The following DCC variants were observed in gnomAD, a reference collection of about 807,000 sequenced individuals.
DCC encodes the protein netrin receptor DCC.
Under a neutral mutation model 172.5 loss-of-function variants are expected in DCC, and 58 were observed. The ratio of observed to expected loss-of-function variants is 0.34; its 90% CI spans 0.27 to 0.42. The LOEUF is 0.42. DCC is among the 10% of genes least tolerant of loss of function. DCC has a pLI of 1.00. For missense variants in DCC, 1,740 were observed against 1,791.0 expected, an observed-to-expected ratio of 0.97 and a Z score of 0.51; for synonymous variants, 709 against 644.5, an observed-to-expected ratio of 1.10 and a Z score of -1.52.
chr18:52,661,960 TAGAA>T (rs2035368627), intron 1 of DCC, among the ~76,000 whole-genome samples: 1 of 152,260 alleles, frequency 6.6e-6, no homozygotes. Context: ...GGTTTCCTGA[TAGAA>T]GGAATAAAAA....
intron 1 of DCC, among the ~76,000 whole-genome samples, chr18:52,652,388 C>A (rs1445033416): frequency 6.6e-6 from 1 of 152,172 alleles, no homozygotes; most frequent in East Asian, 1.9e-4. Flanking sequence ...TGATCCTTTT[C>A]TTGCAAGAAC....
At chr18:52,447,092 C>G (rs1441979236) in intron 1 of DCC, among the ~76,000 whole-genome samples, 1 of 152,134 alleles carries the variant, frequency 6.6e-6, no homozygotes, top group Non-Finnish European at 1.5e-5. Context: ...GACTTTAGTC[C>G]TCTTGTGAAA....
intron 5 of DCC, among the ~76,000 whole-genome samples, chr18:52,978,110 A>G (rs1179709511): frequency 1.3e-5 from 2 of 152,056 alleles, no homozygotes; most frequent in Admixed American, 1.3e-4. Context: ...AGGCGCTTGT[A>G]TATCACTCTA....
At chr18:52,507,566 T>A (rs1004088486) in intron 1 of DCC, among the ~76,000 whole-genome samples, 1 of 152,156 alleles carries the variant, frequency 6.6e-6, no homozygotes, top group African/African-American at 2.4e-5. Flanking sequence ...TGCCAAACTG[T>A]ACATTTACAT....
intron 3 of DCC, among the ~76,000 whole-genome samples, chr18:52,913,243 C>CT (rs1203947405): frequency 6.6e-6 from 1 of 152,076 alleles, no homozygotes; most frequent in East Asian, 1.9e-4. Flanking sequence ...TCACATGGAG[C>CT]TGATGACATT....
At chr18:53,243,703 C>T (rs2056332771) in intron 12 of DCC, among the ~76,000 whole-genome samples, 1 of 152,126 alleles carries the variant, frequency 6.6e-6, no homozygotes, top group Non-Finnish European at 1.5e-5. Context: ...CAGGCTCTAC[C>T]TCTGAGATTA....
At chr18:52,840,964 GAA>G (rs5741773) in intron 2 of DCC, among the ~76,000 whole-genome samples, 66,315 of 151,100 alleles carry the variant, frequency 0.44, 14,704 homozygotes, top group South Asian at 0.55. Flanking sequence ...ATGCTATGAT[GAA>G]AAAAAAAAGC....
intron 12 of DCC, among the ~76,000 whole-genome samples, chr18:53,264,217 G>A (rs531713416): frequency 3.6e-4 from 55 of 152,134 alleles, no homozygotes; most frequent in African/African-American, 1.3e-3. Flanking sequence ...GGCTAGGCGC[G>A]GTGGCTCATG....
intron 27 of DCC, among the ~76,000 whole-genome samples, chr18:53,521,533 A>G (rs1362553614): frequency 2.0e-5 from 3 of 152,144 alleles, no homozygotes; most frequent in Non-Finnish European, 2.9e-5. Flanking sequence ...AGTACATGTT[A>G]TGGAATTATA....
intron 5 of DCC, among the ~76,000 whole-genome samples, chr18:52,985,064 C>G: frequency 6.6e-6 from 1 of 151,768 alleles, no homozygotes; most frequent in Non-Finnish European, 1.5e-5. Context: ...ATCATTTTTT[C>G]CCTTGGAGCT....
intron 14 of DCC, among the ~76,000 whole-genome samples, chr18:53,328,621 A>T (rs1470921799): frequency 1.3e-5 from 2 of 148,426 alleles, no homozygotes; most frequent in Non-Finnish European, 3.0e-5. Context: ...TGCAACTTTC[A>T]CCTCTCGGGT....
Position 53,278,452 on chromosome 18 carries a change from A to T in DCC, c.1912-27126A>T, listed in dbSNP as rs1053464290. On this transcript the variant is annotated intron_variant, in intron 12 of 28. Transcript: ENST00000442544. Reference sequence around the variant, plus strand: ...ATTGTATGCATTATCAAGAATTATTATGAAGGGATCTGTTGTAATTAGTTG... The same window carrying T: ...ATTGTATGCATTATCAAGAATTATTTTGAAGGGATCTGTTGTAATTAGTTG... Among the ~76,000 whole-genome samples, 7 of 152,246 alleles carry T rather than the reference A, an allele frequency of 4.6e-5. No individual in the cohort carries two copies. The East Asian group carries it at 1.2e-3, about 25-fold the overall frequency.
chr18:53,459,488 A>G, intron 24 of DCC, 30 bp downstream of exon 24: 1 of 1,415,204 alleles, frequency 7.1e-7, no homozygotes, highest in Non-Finnish European at 1.0e-6. Context: ...CATTAGGGAA[A>G]ACATACCATT....
intron 7 of DCC, among the ~76,000 whole-genome samples, chr18:53,117,274 T>C (rs533776320): frequency 6.6e-6 from 1 of 151,900 alleles, no homozygotes; most frequent in East Asian, 1.9e-4. Context: ...TTGCTCCGTA[T>C]GAAATTTCCA....
chr18:52,939,980 G>A (rs942933293), intron 5 of DCC, among the ~76,000 whole-genome samples: 1 of 152,126 alleles, frequency 6.6e-6, no homozygotes. Context: ...CAGACCAGCA[G>A]CATTGACATC....
At chr18:52,899,407 G>C (rs1182618438) in intron 2 of DCC, among the ~76,000 whole-genome samples, 2 of 128,938 alleles carry the variant, frequency 1.6e-5, no homozygotes, top group South Asian at 5.2e-4. Flanking sequence ...AGGCTGGAGT[G>C]CAATGGCACC....
At chr18:52,725,458 C>T (rs7230305) in intron 1 of DCC, among the ~76,000 whole-genome samples, 147,822 of 152,322 alleles carry the variant, frequency 0.97, 71,869 homozygotes, top group East Asian at 1. Context: ...CCTTACAGCA[C>T]AATGATCCCA....
At chr18:52,373,887 C>CTTTTTTTTTTT in intron 1 of DCC, among the ~76,000 whole-genome samples, 1 of 141,112 alleles carries the variant, frequency 7.1e-6, no homozygotes, top group Non-Finnish European at 1.5e-5. Context: ...TTGGTTGCAT[C>CTTTTTTTTTTT]ATTTTTTTTT....
At chr18:52,656,939 C>CA (rs2035266376) in intron 1 of DCC, among the ~76,000 whole-genome samples, 1 of 152,122 alleles carries the variant, frequency 6.6e-6, no homozygotes, top group Admixed American at 6.5e-5. Context: ...TCTTGGACAG[C>CA]ATGCTGTCCT....
Sources: allele counts gnomAD v4.1 joint callset (sites outside exome capture counted in the v4.1 genomes callset), GRCh38; gene constraint gnomAD v4.1.1; transcripts MANE v1.5; gene names NCBI Gene and HGNC (gene_info 2026-07-23, HGNC 2026-07-21).